Variants in ZNF639 observed in about 807,000 individuals in gnomAD.
The protein encoded by ZNF639 is zinc finger amplified in esophageal squamous cell carcinomas 1.
Under a neutral mutation model 39.8 loss-of-function variants are expected in ZNF639, and 20 were observed. That is an observed-to-expected ratio of 0.50 (90% CI 0.35 to 0.73). ZNF639 has a LOEUF of 0.73. Ranked by LOEUF, ZNF639 falls within the 30% of genes least tolerant of loss-of-function variation. ZNF639 has a pLI of 0.00. For synonymous variants in ZNF639, 176 were observed against 189.8 expected (o/e 0.93, Z 0.60); for missense variants, 477 against 566.2 (o/e 0.84, Z 1.60).
At chr3:179,327,820 G>A (rs1485560176) in intron 2 of ZNF639, 189 bp downstream of exon 2, 1 of 152,888 alleles carries the variant, frequency 6.5e-6, no homozygotes, top group Non-Finnish European at 1.5e-5. Context: ...CTGGAAGCCA[G>A]GAGGCCGATA....
Position 179,334,298 on chromosome 3 carries a change from A to C in ZNF639, c.1334A>C (p.Asp445Ala). 6.2e-7 allele frequency: 1 copy of C among 1,612,988 alleles called. No individual in the cohort carries two copies. The highest frequency in any genetic ancestry group is 1.3e-5 in the African/African-American group (1 of 75,034). ...YCEYSTGQIE[D>A]LKIHLDFKHS... ...GAATATTCAACAGGACAAATTGAAG[A>C]TCTTAAAATTCATCTAGATTTCAAG... Residue 445 changes from aspartate (D) to alanine (A), a missense_variant, in exon 6 of 6, where the codon GAT (aspartate) becomes GCT (alanine). Coordinates refer to ENST00000496856, the MANE Select transcript of ZNF639 (RefSeq NM_001303426.2).
chr3:179,326,619 G>A (rs1300489367), intron 1 of ZNF639, among the ~76,000 whole-genome samples: 1 of 151,320 alleles, frequency 6.6e-6, no homozygotes, highest in African/African-American at 2.4e-5. Flanking sequence ...TTCTTTTTTT[G>A]TTTTGTTTTG....
At chr3:179,327,402 TAC>T (rs1308403775) in intron 1 of ZNF639, among the ~76,000 whole-genome samples, 157 bp from the exon 2 acceptor site, 2 of 152,340 alleles carry the variant, frequency 1.3e-5, no homozygotes, top group South Asian at 2.1e-4. Context: ...TATCAAGATA[TAC>T]AGTTTTTAGT....
intron 1 of ZNF639, 43 bp downstream of exon 1, chr3:179,323,334 TC>T: frequency 1.0e-6 from 1 of 984,988 alleles, no homozygotes; most frequent in Non-Finnish European, 1.2e-6. Flanking sequence ...GCTGGACTGC[TC>T]CAGGGGACGC....
chr3:179,328,328 C>T lies in ZNF639; in HGVS notation c.35C>T (p.Thr12Ile). The T allele has an allele frequency of 1.9e-6, 3 of 1,585,944 alleles. No homozygotes were observed. The highest frequency in any genetic ancestry group is 2.6e-6 in the Non-Finnish European group (3 of 1,167,358). ...NEYPKKRKRK[T>I]LHPSRYSDSS... ...TATCCTAAAAAAAGAAAAAGGAAGACTCTACACCCTTCTCGTTATTCAGGT... is the reference window on the plus strand; with the variant it reads ...TATCCTAAAAAAAGAAAAAGGAAGATTCTACACCCTTCTCGTTATTCAGGT... Residue 12 changes from threonine (T) to isoleucine (I), a missense_variant, in exon 3 of 6, where the codon ACT (threonine) becomes ATT (isoleucine). Physicochemically the swap from Thr to Ile is moderately conservative, Grantham distance 89. Transcript: ENST00000496856.
rs889139817 is a variant in ZNF639, at chr3:179,323,187, C to G, written c.-187C>G. On this transcript the variant is annotated 5_prime_UTR_variant, in exon 1 of 6. Coordinates refer to ENST00000496856, the MANE Select transcript of ZNF639 (RefSeq NM_001303426.2). ...GCGCTAGGGCCGGAGCAGCGCTGCC[C>G]GCCGCCGTGCGTCCGCGGGAAGGAC... The G allele has an allele frequency of 2.0e-6, 2 of 984,672 alleles. No individual in the cohort carries two copies. The highest frequency in any genetic ancestry group is 2.4e-6 in the Non-Finnish European group (2 of 829,784). 61.0% of individuals were successfully genotyped at this position (984,672 alleles called of 1,614,324 possible). A position where few individuals can be genotyped will look rare whatever the true frequency, so the allele number is the denominator to read the frequency against.
At position 179,331,208 on chromosome 3, in the gene ZNF639, A is replaced by T. The variant is rs948083507; in HGVS notation, c.169+1480A>T. Among the ~76,000 whole-genome samples the T allele has an allele frequency of 2.0e-5, 3 of 152,364 alleles. No individual in the cohort carries two copies. In the East Asian group the frequency reaches 5.8e-4, roughly 29 times the overall value. On this transcript the variant is annotated intron_variant, in intron 4 of 5. Transcript: ENST00000496856. The stretch of plus-strand genomic sequence containing the variant: ...AAGAGCTCCCAACAGCCAAAACTGA[A>T]AACTATTTGGGGACAAAAAATTATA...
rs1321165693 is a variant in ZNF639 at position 179,336,878 on chromosome 3, T to G, written c.*2456T>G. ...CATCTAGCTCCAGGAATTGGATTTT[T>G]GGAAAAACACCTTAAGTAATGCCTT... is the stretch of plus-strand genomic sequence containing the variant. On this transcript the variant is annotated 3_prime_UTR_variant, in exon 6 of 6. Transcript: ENST00000496856. The G allele has an allele frequency of 1.3e-5, 2 of 152,262 alleles. No homozygotes were observed. The highest frequency in any genetic ancestry group is 2.9e-5 in the Non-Finnish European group (2 of 68,044). 9.4% of individuals were successfully genotyped at this position (152,262 alleles called of 1,614,324 possible).
Position 179,333,821 on chromosome 3 carries a change from A to T in ZNF639, c.857A>T (p.Asp286Val). 1 of 1,614,188 alleles carries T rather than the reference A, an allele frequency of 6.2e-7. No individual in the cohort carries two copies. Among genetic ancestry groups the T allele is most frequent in the Admixed American group, 1.7e-5 (1 of 60,022 alleles). Residue 286 changes from aspartate (D) to valine (V), a missense_variant, in exon 6 of 6, where the codon GAT becomes GTT. Asp to Val is a radical substitution (Grantham distance 152). Transcript: ENST00000496856. ...CACATTGCAGACACCCATTTTAGTG[A>T]TCACCTCTATTGGTGTGAACAGTGT... Reference protein sequence around the residue: ...SQHIADTHFSDHLYWCEQCDV... With the variant: ...SQHIADTHFSVHLYWCEQCDV...
At position 179,333,682 on chromosome 3, in the gene ZNF639, G is replaced by C. The variant is rs766457025; in HGVS notation, c.718G>C (p.Glu240Gln). 1 of 1,614,148 alleles carries C rather than the reference G, an allele frequency of 6.2e-7. No individual in the cohort carries two copies. The highest frequency in any genetic ancestry group is 8.5e-7 in the Non-Finnish European group (1 of 1,180,024). Residue 240 changes from glutamate to glutamine, a missense_variant, in exon 6 of 6, where the codon GAA becomes CAA. Transcript: ENST00000496856. ...TTCAAATGTGTGTCGAGTATGCAAG[G>C]AAAGTTTCTCTACCAATATGCTTCT... ...TDSNVCRVCK[E>Q]SFSTNMLLIE...
intron 1 of ZNF639, among the ~76,000 whole-genome samples, chr3:179,324,640 A>G (rs1727481541): frequency 6.6e-6 from 1 of 152,242 alleles, no homozygotes; most frequent in South Asian, 2.1e-4. Flanking sequence ...ACATTTGGTT[A>G]TCGTTCGGCC....
chr3:179,334,514 A>G lies in ZNF639; in HGVS notation c.*92A>G. ...AAATGGATGATTGTAAACACAACTT[A>G]TGAAATCTGCCTTTAACAAGTAACT... On this transcript the variant is annotated 3_prime_UTR_variant, in exon 6 of 6. Transcript: ENST00000496856. The G allele has an allele frequency of 1.0e-6, 1 of 992,028 alleles. No individual in the cohort carries two copies. 61.5% of individuals were successfully genotyped at this position (992,028 alleles called of 1,614,324 possible).
rs1711510233 is a variant in ZNF639, at chr3:179,335,772, CTCT to C, written c.*1352_*1354del. ...TGTGCAAGTCTGTCCCCCAAATTTC[CTCT>C]TTTTTTTTTTTTTTTTGCTTTTTTA... On this transcript the variant is annotated 3_prime_UTR_variant, in exon 6 of 6. Transcript: ENST00000496856. 3 of 95,000 alleles carry C rather than the reference CTCT, an allele frequency of 3.2e-5. No individual in the cohort carries two copies. The South Asian group carries it at 1.3e-3, about 41-fold the overall frequency. 5.9% of individuals were successfully genotyped at this position (95,000 alleles called of 1,614,324 possible). A position where few individuals can be genotyped will look rare whatever the true frequency, so the allele number is the denominator to read the frequency against.
Sources: gnomAD v4.1 joint callset for allele counts (sites outside exome capture counted in the v4.1 genomes callset) on GRCh38, gnomAD v4.1.1 for gene constraint, MANE v1.5 for transcripts, NCBI Gene and HGNC (gene_info 2026-07-23, HGNC 2026-07-21) for gene names.